The following NCAPD3 variants were observed in gnomAD, a reference collection of about 807,000 sequenced individuals.
NCAPD3 encodes the protein non-SMC condensin II complex subunit D3.
In NCAPD3, 105 loss-of-function variants were observed where a neutral mutation model predicts 182.9. The observed-to-expected ratio is 0.57, with a 90% CI of 0.49 to 0.68. The LOEUF (loss-of-function observed/expected upper bound fraction) is 0.68. Ranked by LOEUF, NCAPD3 falls within the 30% of genes least tolerant of loss-of-function variation. The probability of loss-of-function intolerance (pLI) is 0.00; values close to 1 mark genes in which losing one functional copy is unlikely to be tolerated. For synonymous variants in NCAPD3, 815 were observed against 679.9 expected, an observed-to-expected ratio of 1.20 and a Z score of -3.09; for missense variants, 1,944 against 1,837.0, an observed-to-expected ratio of 1.06 and a Z score of -1.07.
chr11:134,224,669 C>G (rs1299461535), upstream of NCAPD3: 3 of 152,130 alleles, frequency 2.0e-5, no homozygotes, highest in Admixed American at 6.5e-5. Flanking sequence ...CCTCCCCCGC[C>G]CGGAGCCGCC....
intron 13 of NCAPD3, 103 bp downstream of exon 13, chr11:134,202,713 A>C: frequency 1.1e-6 from 1 of 885,036 alleles, no homozygotes; most frequent in Non-Finnish European, 1.7e-6. Flanking sequence ...TTAGGGGTGA[A>C]TAAATCAGAA....
In NCAPD3 at chr11:134,168,617, G is replaced by T; in HGVS notation, c.3240-15C>A. On this transcript the variant is annotated splice_polypyrimidine_tract_variant and intron_variant, in intron 25 of 34. Coordinates refer to ENST00000534548, the MANE Select transcript of NCAPD3 (RefSeq NM_015261.3). Reference sequence around the variant, plus strand: ...GCCGCTTCTCTCTGTGGCAGAACGGGACAAGTTCACTGCATCACATGGGCA... The same window carrying T: ...GCCGCTTCTCTCTGTGGCAGAACGGTACAAGTTCACTGCATCACATGGGCA... The T allele has an allele frequency of 6.2e-7, 1 of 1,613,744 alleles. No homozygotes were observed. The highest frequency in any genetic ancestry group is 1.1e-5 in the South Asian group (1 of 91,062).
In NCAPD3 at chr11:134,151,155, G is replaced by C. The variant is rs984124050; in HGVS notation, c.*1789C>G. On this transcript the variant is annotated 3_prime_UTR_variant, in exon 35 of 35. Coordinates refer to ENST00000534548, the MANE Select transcript of NCAPD3 (RefSeq NM_015261.3). ...CTCTCACTACTCACCTTGTCTTTCA[G>C]CTTCCAGTGTCTTGGGTTTTTTATA... 1 of 152,268 alleles carries C rather than the reference G, an allele frequency of 6.6e-6. No individual in the cohort carries two copies. Among genetic ancestry groups the C allele is most frequent in the Non-Finnish European group, 1.5e-5 (1 of 68,074 alleles). The allele number at this position is 152,268 out of a possible 1,614,324, so 9.4% of individuals were successfully genotyped here. A position where few individuals can be genotyped will look rare whatever the true frequency, so the allele number is the denominator to read the frequency against.
intron 28 of NCAPD3, 101 bp downstream of exon 28, chr11:134,161,680 T>A: frequency 1.4e-6 from 1 of 734,180 alleles, no homozygotes. Context: ...AATTTGGGGT[T>A]CTAATCATTC....
intron 3 of NCAPD3, among the ~76,000 whole-genome samples, chr11:134,216,342 A>G (rs1938020813): frequency 6.6e-6 from 1 of 152,132 alleles, no homozygotes. Flanking sequence ...AGGTTATCTG[A>G]CTCAATCTCT....
At chr11:134,205,016 G>A (rs757116248) in intron 8 of NCAPD3, 45 bp from the exon 9 acceptor site, 16 of 1,472,672 alleles carry the variant, frequency 1.1e-5, no homozygotes, top group South Asian at 4.6e-5. Flanking sequence ...TACAGTCAGC[G>A]ACTGTCCCCA....
At chr11:134,176,598 C>A (rs911035980) in intron 23 of NCAPD3, among the ~76,000 whole-genome samples, 5 of 152,212 alleles carry the variant, frequency 3.3e-5, no homozygotes, top group South Asian at 4.1e-4. Context: ...ACTCAAAGCA[C>A]ATGGCATTAG....
intron 7 of NCAPD3, among the ~76,000 whole-genome samples, chr11:134,208,121 A>G (rs909827436): frequency 6.6e-6 from 1 of 152,196 alleles, no homozygotes; most frequent in African/African-American, 2.4e-5. Flanking sequence ...GAAAGCAAAC[A>G]CAGATGTGCG....
Position 134,163,390 on chromosome 11 carries a change from T to C in NCAPD3, c.3574-1499A>G, listed in dbSNP as rs1002295412. On this transcript the variant is annotated intron_variant, in intron 27 of 34. Transcript: ENST00000534548. ...GTCTGTTTCAGATATAATAAAATGA[T>C]CAAATTTGTACTTAAGAAAGACTGC... Among the ~76,000 whole-genome samples the C allele has an allele frequency of 2.6e-5, 4 of 152,022 alleles. No individual in the cohort carries two copies. The South Asian group carries it at 6.2e-4, about 24-fold the overall frequency.
chr11:134,223,767 C>T, intron 1 of NCAPD3, 96 bp downstream of exon 1: 1 of 1,447,458 alleles, frequency 6.9e-7, no homozygotes, highest in Non-Finnish European at 9.5e-7. Context: ...CGCCCCCACC[C>T]CGCCCCCACC....
intron 32 of NCAPD3, among the ~76,000 whole-genome samples, chr11:134,155,785 C>T (rs1172991847): frequency 3.3e-5 from 5 of 151,740 alleles, no homozygotes; most frequent in Non-Finnish European, 5.9e-5. Context: ...GAACATCGCA[C>T]CTGTCCACGA....
At chr11:134,196,734 CCCTT>C (rs1944637818) in intron 13 of NCAPD3, among the ~76,000 whole-genome samples, 1 of 151,780 alleles carries the variant, frequency 6.6e-6, no homozygotes, top group South Asian at 2.1e-4. Flanking sequence ...ACACACACAC[CCCTT>C]CCTAAGGACC....
chr11:134,216,979 G>C lies in NCAPD3; in HGVS notation c.339C>G (p.Gly113=), dbSNP rs1421706247. ...AAAAGTAAAGCCCAGCGGCATGAAGGCCATATTCTCGATACTGTACACTGA... is the reference window on the plus strand; with the variant it reads ...AAAAGTAAAGCCCAGCGGCATGAAGCCCATATTCTCGATACTGTACACTGA... ...KNVSVQYREY[G]LHAAGLYFLL... Residue 113 remains glycine, a synonymous_variant, in exon 3 of 35, where the codon GGC becomes GGG. Coordinates refer to ENST00000534548, the MANE Select transcript of NCAPD3 (RefSeq NM_015261.3). 2 of 1,613,470 alleles carry C rather than the reference G, an allele frequency of 1.2e-6. No homozygotes were observed. The highest frequency in any genetic ancestry group is 1.7e-6 in the Non-Finnish European group (2 of 1,179,806).
chr11:134,150,344 C>G lies in NCAPD3; in HGVS notation c.*2600G>C, dbSNP rs1943178787. 6.6e-6 allele frequency: 1 copy of G among 152,008 alleles called. No homozygotes were observed. Among genetic ancestry groups the G allele is most frequent in the South Asian group, 2.1e-4 (1 of 4,846 alleles). 9.4% of individuals were successfully genotyped at this position (152,008 alleles called of 1,614,324 possible). A position where few individuals can be genotyped will look rare whatever the true frequency, so the allele number is the denominator to read the frequency against. On this transcript the variant is annotated 3_prime_UTR_variant, in exon 35 of 35. Transcript: ENST00000534548. The stretch of plus-strand genomic sequence containing the variant: ...GGACAGTCTGTACCCAGAGGCCACC[C>G]AGAAGCCCTCAGATGTACATACACA...
Position 134,152,889 on chromosome 11 carries a change from C to G in NCAPD3, c.*55G>C, listed in dbSNP as rs374346243. ...TCCAGCTGCCTTCACACGGAGGACACGAGACTGCTTCCTCAAGGGCTCCTG... is the reference window on the plus strand; with the variant it reads ...TCCAGCTGCCTTCACACGGAGGACAGGAGACTGCTTCCTCAAGGGCTCCTG... On this transcript the variant is annotated 3_prime_UTR_variant, in exon 35 of 35. Transcript: ENST00000534548. 7.2e-6 allele frequency: 10 copies of G among 1,388,866 alleles called. No individual in the cohort carries two copies. The East Asian group carries it at 1.4e-4, about 19-fold the overall frequency. 86.0% of individuals were successfully genotyped at this position (1,388,866 alleles called of 1,614,324 possible). A position where few individuals can be genotyped will look rare whatever the true frequency, so the allele number is the denominator to read the frequency against.
At chr11:134,160,187 AC>A in intron 28 of NCAPD3, 113 bp from the exon 29 acceptor site, 1 of 1,039,644 alleles carries the variant, frequency 9.6e-7, no homozygotes, top group South Asian at 1.7e-5. Context: ...CTGCACGTGT[AC>A]CCCTGAACGC....
rs754393329 is a variant in NCAPD3, at chr11:134,176,329, C to T, written c.3079G>A (p.Asp1027Asn). 4 of 1,613,926 alleles carry T rather than the reference C, an allele frequency of 2.5e-6. No individual in the cohort carries two copies. Among genetic ancestry groups the T allele is most frequent in the Admixed American group, 3.3e-5 (2 of 59,998 alleles). Reference protein sequence around the residue: ...LFFRFVSTLIDSHPDIASFGE... With the variant: ...LFFRFVSTLINSHPDIASFGE... ...TACCTGGCAATGTCTGGGTGTGAAT[C>T]GATCAGAGTGCTGACAAATCGGAAG... Residue 1027 changes from aspartate (D) to asparagine (N), a missense_variant, in exon 24 of 35, where the codon GAT (aspartate) becomes AAT (asparagine). By Grantham distance (23) the Asp-to-Asn change is conservative (BLOSUM62 1). Coordinates refer to ENST00000534548, the MANE Select transcript of NCAPD3 (RefSeq NM_015261.3).
intron 16 of NCAPD3, among the ~76,000 whole-genome samples, chr11:134,190,667 A>T (rs1944505187): frequency 6.6e-6 from 1 of 152,094 alleles, no homozygotes; most frequent in Admixed American, 6.5e-5. Context: ...TGTAGAGACA[A>T]GGTCTCACCA....
At chr11:134,224,037 G>A (rs959038900), upstream of NCAPD3, 6 of 1,293,696 alleles carry the variant, frequency 4.6e-6, no homozygotes, top group African/African-American at 5.9e-5. Context: ...TTTCCCACTG[G>A]CCAACCACCG....
Sources: gnomAD v4.1 joint callset for allele counts (sites outside exome capture counted in the v4.1 genomes callset) on GRCh38, gnomAD v4.1.1 for gene constraint, MANE v1.5 for transcripts, NCBI Gene and HGNC (gene_info 2026-07-23, HGNC 2026-07-21) for gene names.